Variants in NCK2 observed in about 807,000 individuals in gnomAD.
The protein encoded by NCK2 is cytoplasmic protein NCK2.
In NCK2, 16 loss-of-function variants were observed where a neutral mutation model predicts 33.9. The ratio of observed to expected loss-of-function variants is 0.47; its 90% CI spans 0.32 to 0.72. NCK2 has a LOEUF of 0.72. Among genes scored for constraint, NCK2 ranks in the 30% least tolerant of loss-of-function variants. The pLI, the probability that NCK2 is intolerant of heterozygous loss-of-function variation, is 0.03. For synonymous variants in NCK2, 273 were observed against 239.9 expected (o/e 1.14, Z -1.27); for missense variants, 418 against 537.3 (o/e 0.78, Z 2.19).
intron 2 of NCK2, among the ~76,000 whole-genome samples, chr2:105,820,645 C>T (rs892794129): frequency 1.3e-5 from 2 of 152,296 alleles, no homozygotes; most frequent in East Asian, 1.9e-4. Flanking sequence ...TTTTGGCAAA[C>T]GCATAATCTG....
At chr2:105,828,868 A>G (rs1676058720) in intron 2 of NCK2, among the ~76,000 whole-genome samples, 1 of 152,132 alleles carries the variant, frequency 6.6e-6, no homozygotes, top group Non-Finnish European at 1.5e-5. Context: ...CTTTTAATAG[A>G]AACCATAGCT....
intron 1 of NCK2, among the ~76,000 whole-genome samples, chr2:105,771,625 A>G (rs768773910): frequency 1.3e-5 from 2 of 152,180 alleles, no homozygotes; most frequent in Non-Finnish European, 2.9e-5. Context: ...GTTTCTAATC[A>G]TGTCACTTAG....
intron 3 of NCK2, among the ~76,000 whole-genome samples, chr2:105,867,438 GGTTT>G (rs138916901): frequency 0.3 from 45,021 of 151,864 alleles, 7,009 homozygotes; most frequent in South Asian, 0.42. Context: ...AATAAATGTG[GGTTT>G]GTTTTTGTGT....
chr2:105,823,045 C>T (rs1675804027), intron 2 of NCK2, among the ~76,000 whole-genome samples: 1 of 151,838 alleles, frequency 6.6e-6, no homozygotes, highest in Non-Finnish European at 1.5e-5. Context: ...GAAATGAGCG[C>T]ATTGCTGCAG....
At chr2:105,856,907 C>G (rs1311719393) in intron 3 of NCK2, 1 of 152,164 alleles carries the variant, frequency 6.6e-6, no homozygotes, top group Admixed American at 6.5e-5. Flanking sequence ...AAGAGGGTAG[C>G]ATGAATAGAG....
chr2:105,837,720 A>G (rs898085219), intron 2 of NCK2, among the ~76,000 whole-genome samples: 9 of 152,356 alleles, frequency 5.9e-5, no homozygotes, highest in African/African-American at 1.4e-4. Context: ...TGTCCAGCAC[A>G]TGATGTGTAT....
intron 1 of NCK2, among the ~76,000 whole-genome samples, chr2:105,815,587 C>G (rs750924189): frequency 3.9e-5 from 6 of 152,212 alleles, no homozygotes; most frequent in Non-Finnish European, 7.3e-5. Context: ...GAACATAACG[C>G]AGCTGCCAGC....
intron 1 of NCK2, among the ~76,000 whole-genome samples, chr2:105,762,675 A>G (rs2053253676): frequency 6.6e-6 from 1 of 152,226 alleles, no homozygotes; most frequent in Non-Finnish European, 1.5e-5. Context: ...TACAGTCATC[A>G]GAGAAATGGT....
chr2:105,801,288 C>T (rs1437029002), intron 1 of NCK2, among the ~76,000 whole-genome samples: 1 of 152,112 alleles, frequency 6.6e-6, no homozygotes, highest in East Asian at 1.9e-4. Flanking sequence ...CATTTGCCCC[C>T]TTGTTGGACG....
At chr2:105,874,208 T>A (rs1195260462) in intron 3 of NCK2, among the ~76,000 whole-genome samples, 2 of 152,236 alleles carry the variant, frequency 1.3e-5, no homozygotes, top group African/African-American at 4.8e-5. Context: ...CCCTTCGTAC[T>A]CTGAATAGTG....
chr2:105,809,675 A>G (rs1225878606), intron 1 of NCK2, among the ~76,000 whole-genome samples: 1 of 152,212 alleles, frequency 6.6e-6, no homozygotes, highest in Non-Finnish European at 1.5e-5. Flanking sequence ...CCCATAGCAG[A>G]TGGGATGCAC....
intron 2 of NCK2, among the ~76,000 whole-genome samples, chr2:105,826,929 T>C (rs1423691639): frequency 1.3e-5 from 2 of 152,096 alleles, no homozygotes; most frequent in Non-Finnish European, 2.9e-5. Context: ...TAAAGAACTT[T>C]TAAAAGTAGA....
intron 3 of NCK2, among the ~76,000 whole-genome samples, chr2:105,862,247 G>C (rs565442955): frequency 3.3e-5 from 5 of 152,088 alleles, no homozygotes; most frequent in African/African-American, 1.2e-4. Context: ...GAAGGGGGTC[G>C]GTCTTGAGCC....
chr2:105,791,460 C>T (rs186327824), intron 1 of NCK2, among the ~76,000 whole-genome samples: 33 of 152,294 alleles, frequency 2.2e-4, no homozygotes, highest in Non-Finnish European at 4.3e-4. Flanking sequence ...AGTGCACCCT[C>T]GCCCCGTTGC....
At chr2:105,793,406 G>T (rs1690963395) in intron 1 of NCK2, among the ~76,000 whole-genome samples, 1 of 151,244 alleles carries the variant, frequency 6.6e-6, no homozygotes, top group Non-Finnish European at 1.5e-5. Flanking sequence ...TGCCATCTTG[G>T]ATCCCACTGG....
Position 105,893,467 on chromosome 2 carries a change from A to C in NCK2, c.*291A>C. ...CATTCAACTCGTTCCCGCTCATGGA[A>C]CCCCTCTTTAAAAAGACGCAGGGCA... On this transcript the variant is annotated 3_prime_UTR_variant, in exon 5 of 5. Coordinates refer to ENST00000233154, the MANE Select transcript of NCK2 (RefSeq NM_003581.5). 20 of 323,560 alleles carry C rather than the reference A, an allele frequency of 6.2e-5. No individual in the cohort carries two copies. Among genetic ancestry groups the C allele is most frequent in the South Asian group, 2.5e-4 (5 of 20,000 alleles). The allele number at this position is 323,560 out of a possible 1,614,324, so 20.0% of individuals were successfully genotyped here. A position where few individuals can be genotyped will look rare whatever the true frequency, so the allele number is the denominator to read the frequency against.
At position 105,750,146 on chromosome 2, in the gene NCK2, C is replaced by T. The variant is rs558244664; in HGVS notation, c.-201+5008C>T. 2.0e-5 allele frequency among the ~76,000 whole-genome samples: 3 copies of T among 151,898 alleles called. No individual in the cohort carries two copies. The South Asian group carries it at 6.2e-4, about 32-fold the overall frequency. On this transcript the variant is annotated intron_variant, in intron 1 of 4. Coordinates refer to ENST00000233154, the MANE Select transcript of NCK2 (RefSeq NM_003581.5). ...AGTTCTGGAGGCTGGAAGTCCATGA[C>T]CCCGGGGCCGGCAGGGCTGGTTTCT...
intron 4 of NCK2, among the ~76,000 whole-genome samples, chr2:105,886,376 T>C (rs1678721959): frequency 6.6e-6 from 1 of 152,244 alleles, no homozygotes; most frequent in Non-Finnish European, 1.5e-5. Flanking sequence ...TGGCTGGCTC[T>C]TCAATGCTGA....
chr2:105,807,249 T>C (rs1038035786), intron 1 of NCK2, among the ~76,000 whole-genome samples: 2 of 152,204 alleles, frequency 1.3e-5, no homozygotes, highest in Admixed American at 6.5e-5. Context: ...AGGGCCGCCC[T>C]CGCAGACATC....
Sources: allele counts gnomAD v4.1 joint callset (sites outside exome capture counted in the v4.1 genomes callset), GRCh38; gene constraint gnomAD v4.1.1; transcripts MANE v1.5; gene names NCBI Gene and HGNC (gene_info 2026-07-23, HGNC 2026-07-21).